The following TNRC6B variants were observed in gnomAD, a reference collection of about 807,000 sequenced individuals.
TNRC6B encodes the protein trinucleotide repeat containing adaptor 6B.
TNRC6B carries 52 observed loss-of-function variants against 203.6 expected under a neutral mutation model. The ratio of observed to expected loss-of-function variants is 0.26; its 90% CI spans 0.20 to 0.32. TNRC6B has a LOEUF of 0.32. Ranked by LOEUF, TNRC6B falls within the 10% of genes least tolerant of loss-of-function variation. The pLI, the probability that TNRC6B is intolerant of heterozygous loss-of-function variation, is 1.00. For synonymous variants in TNRC6B, 838 were observed against 845.7 expected (o/e 0.99, Z 0.16); for missense variants, 1,923 against 2,286.2 (o/e 0.84, Z 3.24).
chr22:40,282,666 AT>A (rs890450833), intron 11 of TNRC6B, among the ~76,000 whole-genome samples: 172 of 151,912 alleles, frequency 1.1e-3, no homozygotes, highest in African/African-American at 4.0e-3. Context: ...CATTCTTCTT[AT>A]TTTTTTTGAT....
chr22:40,295,443 C>T (rs537350479), intron 12 of TNRC6B, among the ~76,000 whole-genome samples: 189 of 145,968 alleles, frequency 1.3e-3, no homozygotes, highest in African/African-American at 4.7e-3. Flanking sequence ...CATTGCACTC[C>T]AGCCTGGGCA....
At chr22:40,172,678 C>A (rs1022422930) in intron 4 of TNRC6B, among the ~76,000 whole-genome samples, 8 of 152,126 alleles carry the variant, frequency 5.3e-5, no homozygotes, top group Non-Finnish European at 8.8e-5. Flanking sequence ...AATATGTTAT[C>A]CTCATGGAAG....
rs368015002 is a variant in TNRC6B at position 40,261,883 on chromosome 22, T to C, written c.167T>C (p.Ile56Thr). 6.3e-6 allele frequency: 10 copies of C among 1,591,718 alleles called. No individual in the cohort carries two copies. Among genetic ancestry groups the C allele is most frequent in the African/African-American group, 4.0e-5 (3 of 74,644 alleles). Residue 56 changes from isoleucine (I) to threonine (T), a missense_variant, in exon 4 of 23, where the codon ATT (isoleucine) becomes ACT (threonine). Transcript: ENST00000454349. Reference sequence around the variant, plus strand: ...AGCCAACCAACGGCCGCCAGCCCAATTGGCAGCTCTCCATCGCCACCAGTC... The same window carrying C: ...AGCCAACCAACGGCCGCCAGCCCAACTGGCAGCTCTCCATCGCCACCAGTC... ...SLSQPTAASPIGSSPSPPVNG... is the reference protein window; with the variant it reads ...SLSQPTAASPTGSSPSPPVNG...
intron 6 of TNRC6B, among the ~76,000 whole-genome samples, chr22:40,272,627 C>T (rs1010352076): frequency 2.6e-5 from 4 of 152,086 alleles, no homozygotes; most frequent in African/African-American, 4.8e-5. Flanking sequence ...ACAGTATTTT[C>T]GGAGGGAATT....
intron 12 of TNRC6B, among the ~76,000 whole-genome samples, chr22:40,289,586 T>C (rs549115270): frequency 6.6e-6 from 1 of 152,312 alleles, no homozygotes; most frequent in African/African-American, 2.4e-5. Context: ...CCTACTACAC[T>C]GGTTCTCCAT....
intron 2 of TNRC6B, among the ~76,000 whole-genome samples, chr22:40,247,226 T>A (rs982493354): frequency 1.3e-5 from 2 of 152,152 alleles, no homozygotes; most frequent in African/African-American, 4.8e-5. Flanking sequence ...TGTAAAGCAT[T>A]TGGGAAGCAG....
intron 17 of TNRC6B, 132 bp from the exon 18 acceptor site, chr22:40,312,373 G>T: frequency 3.1e-6 from 3 of 975,754 alleles, no homozygotes; most frequent in Non-Finnish European, 4.3e-6. Context: ...CCTTAATTTT[G>T]TGATGAAAAT....
At chr22:40,198,981 T>C (rs903745306) in intron 1 of TNRC6B, among the ~76,000 whole-genome samples, 6 of 151,962 alleles carry the variant, frequency 3.9e-5, no homozygotes, top group African/African-American at 1.4e-4. Flanking sequence ...AATGGCTGAT[T>C]ATAGGATTGG....
rs370455106 is a variant in TNRC6B, at chr22:40,208,069, C to T, written c.5+29929C>T. Among the ~76,000 whole-genome samples the T allele has an allele frequency of 1.5e-4, 21 of 144,660 alleles. 1 individual carries two copies. The highest frequency in any genetic ancestry group is 6.4e-4 in the East Asian group (3 of 4,676). The allele number at this position is 144,660 out of a possible 152,430, so 94.9% of individuals were successfully genotyped here. ...GCGGAGCTTGCAGTGAGCTGAGATG[C>T]GCCCGTCTCTCCAGCCTGGGCAATA... is the stretch of plus-strand genomic sequence containing the variant. On this transcript the variant is annotated intron_variant, in intron 1 of 22. Transcript: ENST00000454349.
Position 40,151,537 on chromosome 22 carries a change from CAAAAAAA to C in TNRC6B, c.46-4569_46-4563del, listed in dbSNP as rs994432925. Among the ~76,000 whole-genome samples the C allele has an allele frequency of 2.1e-3, 50 of 24,152 alleles. 3 individuals carry two copies. Among genetic ancestry groups the C allele is most frequent in the African/African-American group, 0.017 (49 of 2,882 alleles). The allele number at this position is 24,152 out of a possible 152,430, so 15.8% of individuals were successfully genotyped here. A position where few individuals can be genotyped will look rare whatever the true frequency, so the allele number is the denominator to read the frequency against. On this transcript the variant is annotated intron_variant, in intron 3 of 23. Transcript: ENST00000301923. Reference sequence around the variant, plus strand: ...CCTGGGCGACAGTGAGACTGCATCTCAAAAAAAAAAAAAAAGAAAAAAGAAAAAAACT... The same window carrying C: ...CCTGGGCGACAGTGAGACTGCATCTCAAAAAAAAGAAAAAAGAAAAAAACT...
intron 1 of TNRC6B, among the ~76,000 whole-genome samples, chr22:40,194,378 C>T (rs984275559): frequency 4.6e-5 from 7 of 152,156 alleles, no homozygotes; most frequent in African/African-American, 1.4e-4. Flanking sequence ...CCGATGGCCT[C>T]GGCTGCTGAG....
intron 16 of TNRC6B, among the ~76,000 whole-genome samples, chr22:40,310,497 T>C (rs981028396): frequency 6.6e-6 from 1 of 152,218 alleles, no homozygotes; most frequent in African/African-American, 2.4e-5. Context: ...CTAGGGATAA[T>C]GGTCAGATTC....
At chr22:40,251,250 C>CT (rs1217174627) in intron 3 of TNRC6B, 50 bp downstream of exon 3, 2 of 1,410,344 alleles carry the variant, frequency 1.4e-6, no homozygotes, top group African/African-American at 2.9e-5. Context: ...TTGTGTTTAG[C>CT]TTTTACACTG....
Position 40,330,746 on chromosome 22 carries a change from G to A in TNRC6B, c.*7505G>A, listed in dbSNP as rs763367487. ...GCCTTTGTGAGTACAGAGACCGTCC[G>A]TTCTAGGAAGAAGCTATCCGTTGGA... On this transcript the variant is annotated 3_prime_UTR_variant, in exon 23 of 23. Transcript: ENST00000454349. 2 of 152,744 alleles carry A rather than the reference G, an allele frequency of 1.3e-5. No individual in the cohort carries two copies. Among genetic ancestry groups the A allele is most frequent in the East Asian group, 1.9e-4 (1 of 5,190 alleles). The allele number at this position is 152,744 out of a possible 1,614,324, so 9.5% of individuals were successfully genotyped here.
chr22:40,323,408 T>C lies in TNRC6B; in HGVS notation c.*167T>C. Reference sequence around the variant, plus strand: ...ATTGACAGACTGTCTGAGCACATAGTTGCCTCCCTTATAACTTCAGTTTTT... The same window carrying C: ...ATTGACAGACTGTCTGAGCACATAGCTGCCTCCCTTATAACTTCAGTTTTT... On this transcript the variant is annotated 3_prime_UTR_variant, in exon 23 of 23. Transcript: ENST00000454349. 1 of 773,526 alleles carries C rather than the reference T, an allele frequency of 1.3e-6. No homozygotes were observed. The highest frequency in any genetic ancestry group is 1.9e-6 in the Non-Finnish European group (1 of 513,300). The allele number at this position is 773,526 out of a possible 1,614,324, so 47.9% of individuals were successfully genotyped here.
intron 1 of TNRC6B, among the ~76,000 whole-genome samples, chr22:40,223,564 C>T (rs958238365): frequency 2.0e-5 from 3 of 152,182 alleles, no homozygotes; most frequent in African/African-American, 7.2e-5. Context: ...AAACTTAACA[C>T]CTTATCTTGA....
chr22:40,232,186 A>G (rs902318570), intron 1 of TNRC6B, among the ~76,000 whole-genome samples: 1 of 152,200 alleles, frequency 6.6e-6, no homozygotes, highest in Non-Finnish European at 1.5e-5. Flanking sequence ...ATTTCCAAGA[A>G]AGCAAATGAC....
At chr22:40,281,069 C>T (rs1347296325) in intron 10 of TNRC6B, 50 bp from the exon 11 acceptor site, 1 of 1,430,910 alleles carries the variant, frequency 7.0e-7, no homozygotes, top group East Asian at 2.6e-5. Context: ...CATTCTGTTG[C>T]TTCACTAACC....
rs761436289 is a variant in TNRC6B at position 40,255,291 on chromosome 22, A to G, written c.115+4091A>G. Among the ~76,000 whole-genome samples the G allele has an allele frequency of 5.9e-5, 9 of 152,348 alleles. No homozygotes were observed. The Middle Eastern group carries it at 0.01, about 173-fold the overall frequency. On this transcript the variant is annotated intron_variant, in intron 3 of 22. Coordinates refer to ENST00000454349, the MANE Select transcript of TNRC6B (RefSeq NM_001162501.2). ...AATTTTTTAGGTGTTGTCCTTTGCC[A>G]CTGGGACACAGCTGAGAGCAGCACC...
Sources: gnomAD v4.1 joint callset for allele counts (sites outside exome capture counted in the v4.1 genomes callset) on GRCh38, gnomAD v4.1.1 for gene constraint, MANE v1.5 for transcripts, NCBI Gene and HGNC (gene_info 2026-07-23, HGNC 2026-07-21) for gene names.